The following CXCL12 variants were observed in gnomAD, a reference collection of about 807,000 sequenced individuals.
The protein encoded by CXCL12 is C-X-C motif chemokine ligand 12.
In CXCL12, 4 loss-of-function variants were observed where a neutral mutation model predicts 10.7. That is an observed-to-expected ratio of 0.37 (90% confidence interval 0.18 to 0.86). The LOEUF (loss-of-function observed/expected upper bound fraction) is 0.86, where lower values mean the gene tolerates loss of function less well. CXCL12 is among the 40% of genes least tolerant of loss of function. The pLI, the probability that CXCL12 is intolerant of heterozygous loss-of-function variation, is 0.43. For missense variants in CXCL12, 122 were observed against 110.4 expected (o/e 1.10, Z -0.47); for synonymous variants, 54 against 45.4 (o/e 1.19, Z -0.77).
In CXCL12 at chr10:44,378,136, G is replaced by A. The variant is rs1002857455; in HGVS notation, c.*497C>T. 70 of 1,439,300 alleles carry A rather than the reference G, an allele frequency of 4.9e-5. No homozygotes were observed. The East Asian group carries it at 1.8e-3, about 36-fold the overall frequency. The allele number at this position is 1,439,300 out of a possible 1,614,324, so 89.2% of individuals were successfully genotyped here. ...CCTTCCTCTTGGGAGGGGCGCTGCT[G>A]CGGGAGCCTCAGTGTCTGAAGAAAG... On this transcript the variant is annotated 3_prime_UTR_variant, in exon 3 of 3. Coordinates refer to ENST00000343575, the MANE Select transcript of CXCL12 (RefSeq NM_199168.4).
chr10:44,376,854 A>T (rs1372963019), downstream of CXCL12, among the ~76,000 whole-genome samples: 1 of 151,808 alleles, frequency 6.6e-6, no homozygotes, highest in Non-Finnish European at 1.5e-5. Context: ...GGGAGGGAAG[A>T]CGAATTAGTG....
At chr10:44,382,496 C>T (rs528052150) in intron 1 of CXCL12, among the ~76,000 whole-genome samples, 4 of 152,238 alleles carry the variant, frequency 2.6e-5, no homozygotes, top group African/African-American at 4.8e-5. Flanking sequence ...GCACAAGCCC[C>T]CTCCCGGCAA....
In CXCL12 at chr10:44,385,052, C is replaced by G. The variant is rs771184218; in HGVS notation, c.-47G>C. 6.3e-4 allele frequency: 870 copies of G among 1,372,134 alleles called. 3 individuals carry two copies. Among genetic ancestry groups the G allele is most frequent in the Non-Finnish European group, 7.9e-4 (820 of 1,038,752 alleles). The allele number at this position is 1,372,134 out of a possible 1,614,324, so 85.0% of individuals were successfully genotyped here. A position where few individuals can be genotyped will look rare whatever the true frequency, so the allele number is the denominator to read the frequency against. On this transcript the variant is annotated 5_prime_UTR_variant, in exon 1 of 3. Transcript: ENST00000343575. Reference sequence around the variant, plus strand: ...GGGCGGACGAGCGCGGGTCGGGGGCCGGACGCCGAGCGGGCAATGCGGCTG... The same window carrying G: ...GGGCGGACGAGCGCGGGTCGGGGGCGGGACGCCGAGCGGGCAATGCGGCTG...
chr10:44,374,059 G>C (rs1193619761), downstream of CXCL12, among the ~76,000 whole-genome samples: 1 of 152,212 alleles, frequency 6.6e-6, no homozygotes, highest in Non-Finnish European at 1.5e-5. Flanking sequence ...GTAAACCACA[G>C]TGAGCCCCCA....
At chr10:44,378,752 G>A (rs377501005) in intron 2 of CXCL12, 29 bp from the exon 3 acceptor site, 420 of 1,610,044 alleles carry the variant, frequency 2.6e-4, no homozygotes, top group Non-Finnish European at 3.3e-4. Context: ...AACAGTGTGC[G>A]GCTGCACAGG....
At chr10:44,373,242 G>A (rs78895497), downstream of CXCL12, 17 of 1,565,926 alleles carry the variant, frequency 1.1e-5, no homozygotes, top group Non-Finnish European at 1.5e-5. Context: ...CCCTGCCCTG[G>A]CAGGGGAGGC....
chr10:44,374,734 T>C (rs757700385), downstream of CXCL12: 34 of 451,794 alleles, frequency 7.5e-5, no homozygotes, highest in Admixed American at 2.1e-4. Flanking sequence ...GAATTCCATG[T>C]GCTCCATCCT....
chr10:44,381,842 CTAAGAA>C (rs1839641718), intron 1 of CXCL12, among the ~76,000 whole-genome samples: 2 of 152,040 alleles, frequency 1.3e-5, no homozygotes, highest in East Asian at 3.9e-4. Context: ...AAATATATGT[CTAAGAA>C]TATTTGGTCC....
intron 1 of CXCL12, among the ~76,000 whole-genome samples, chr10:44,381,460 A>AC (rs1839629568): frequency 6.6e-6 from 1 of 152,112 alleles, no homozygotes; most frequent in African/African-American, 2.4e-5. Flanking sequence ...CTGGCTTCCT[A>AC]CCTGTGAGTC....
chr10:44,383,352 C>T (rs1839690733), intron 1 of CXCL12, among the ~76,000 whole-genome samples: 1 of 152,150 alleles, frequency 6.6e-6, no homozygotes, highest in East Asian at 1.9e-4. Context: ...CCTTCCCAGG[C>T]CAGGAGGAGT....
In CXCL12 at chr10:44,377,600, TC is replaced by T; in HGVS notation, c.*1032del. 1 of 1,494,098 alleles carries T rather than the reference TC, an allele frequency of 6.7e-7. No homozygotes were observed. The highest frequency in any genetic ancestry group is 8.9e-7 in the Non-Finnish European group (1 of 1,129,060). The allele number at this position is 1,494,098 out of a possible 1,614,324, so 92.6% of individuals were successfully genotyped here. A position where few individuals can be genotyped will look rare whatever the true frequency, so the allele number is the denominator to read the frequency against. On this transcript the variant is annotated 3_prime_UTR_variant, in exon 3 of 3. Coordinates refer to ENST00000343575, the MANE Select transcript of CXCL12 (RefSeq NM_199168.4). ...TTCACTGATTTTTTCGCTTCTGATT[TC>T]GGAAACCTCAGAGTTTGTTAGTGCC... is the stretch of plus-strand genomic sequence containing the variant.
In CXCL12 at chr10:44,378,411, C is replaced by T; in HGVS notation, c.*222G>A. On this transcript the variant is annotated 3_prime_UTR_variant, in exon 3 of 3. Transcript: ENST00000343575. ...AGTTCCAACGTGCACAGGTACAGGG[C>T]ATGGATGAATATAAGCTGCAATATC... 7.7e-6 allele frequency: 12 copies of T among 1,552,244 alleles called. No individual in the cohort carries two copies. Among genetic ancestry groups the T allele is most frequent in the Non-Finnish European group, 1.0e-5 (12 of 1,151,782 alleles).
downstream of CXCL12, chr10:44,372,202 C>G (rs1353044410): frequency 6.6e-6 from 1 of 152,254 alleles, no homozygotes; most frequent in Non-Finnish European, 1.5e-5. Flanking sequence ...TTTCCTCAAG[C>G]AGTGCTGGGC....
At chr10:44,375,954 C>A (rs1839438133), downstream of CXCL12, 5 of 1,612,336 alleles carry the variant, frequency 3.1e-6, no homozygotes, top group Middle Eastern at 1.9e-4. Flanking sequence ...TTTTCCTTTT[C>A]TGGGCAGCCT....
chr10:44,370,827 T>A (rs266092), exon 4 of CXCL12: 6,014 of 152,440 alleles, frequency 0.039, 152 homozygotes, highest in South Asian at 0.099. Flanking sequence ...CGCTGGTATC[T>A]CAGTGCCTGG....
At position 44,380,586 on chromosome 10, in the gene CXCL12, T is replaced by C. The variant is rs1212335243; in HGVS notation, c.179+177A>G. The C allele has an allele frequency of 2.0e-5, 13 of 651,250 alleles. No homozygotes were observed. In the East Asian group the frequency reaches 2.6e-4, roughly 13 times the overall value. 40.3% of individuals were successfully genotyped at this position (651,250 alleles called of 1,614,324 possible). A position where few individuals can be genotyped will look rare whatever the true frequency, so the allele number is the denominator to read the frequency against. On this transcript the variant is annotated intron_variant, in intron 2 of 2. Coordinates refer to ENST00000343575, the MANE Select transcript of CXCL12 (RefSeq NM_199168.4). ...GGCCAAGAGCGGCTTTTAAAATTAA[T>C]GCCTGGTGGCATACTAAAGGTCCTC...
At chr10:44,376,315 G>A (rs764265271), downstream of CXCL12, among the ~76,000 whole-genome samples, 1 of 152,232 alleles carries the variant, frequency 6.6e-6, no homozygotes, top group Non-Finnish European at 1.5e-5. Flanking sequence ...TGGGGACAAG[G>A]AATCCACATC....
In CXCL12 at chr10:44,380,887, G is replaced by A. The variant is rs772059004; in HGVS notation, c.62-7C>T. On this transcript the variant is annotated splice_region_variant and splice_polypyrimidine_tract_variant and intron_variant, in intron 1 of 2. Transcript: ENST00000343575. ...CTCAGGCTGACGGGCTTCCCTAGAAGAGGTAAGGACAACAAGGCACTTTAC... is the reference window on the plus strand; with the variant it reads ...CTCAGGCTGACGGGCTTCCCTAGAAAAGGTAAGGACAACAAGGCACTTTAC... The A allele has an allele frequency of 3.1e-6, 5 of 1,613,342 alleles. No individual in the cohort carries two copies. In the East Asian group the frequency reaches 8.9e-5, roughly 29 times the overall value.
intron 2 of CXCL12, among the ~76,000 whole-genome samples, chr10:44,379,153 A>G (rs1034619619): frequency 6.6e-5 from 10 of 152,070 alleles, no homozygotes; most frequent in African/African-American, 9.7e-5. Context: ...GCAACAGAGC[A>G]GAGGTTTATT....
Sources: gnomAD v4.1 joint callset for allele counts (sites outside exome capture counted in the v4.1 genomes callset) on GRCh38, gnomAD v4.1.1 for gene constraint, MANE v1.5 for transcripts, NCBI Gene and HGNC (gene_info 2026-07-23, HGNC 2026-07-21) for gene names.